The following DNAH9 variants were observed in gnomAD, a reference collection of about 807,000 sequenced individuals.
DNAH9 encodes dynein axonemal heavy chain 9.
A neutral mutation model predicts 471.6 loss-of-function variants in DNAH9; 345 were observed. The ratio of observed to expected loss-of-function variants is 0.73; its 90% confidence interval spans 0.67 to 0.80. The LOEUF (loss-of-function observed/expected upper bound fraction) is 0.80. DNAH9 is among the 30% of genes least tolerant of loss of function. DNAH9 has a pLI of 0.00. For synonymous variants in DNAH9, 2,093 were observed against 2,123.6 expected (o/e 0.99, Z 0.40); for missense variants, 5,407 against 5,609.2 (o/e 0.96, Z 1.15).
At chr17:11,862,472 C>A (rs1597750656) in intron 50 of DNAH9, among the ~76,000 whole-genome samples, 1 of 130,478 alleles carries the variant, frequency 7.7e-6, no homozygotes, top group South Asian at 2.6e-4. Context: ...CGGCTTTGTT[C>A]TTTTGGCTTA....
At chr17:11,716,314 C>T (rs2074961703) in intron 26 of DNAH9, among the ~76,000 whole-genome samples, 1 of 152,048 alleles carries the variant, frequency 6.6e-6, no homozygotes, top group African/African-American at 2.4e-5. Context: ...CTCCTGACCT[C>T]AGGTAATCTC....
At chr17:11,774,750 T>C (rs1480492730) in intron 38 of DNAH9, among the ~76,000 whole-genome samples, 1 of 152,178 alleles carries the variant, frequency 6.6e-6, no homozygotes, top group Admixed American at 6.5e-5. Context: ...CTATTTCATA[T>C]ATTTTCGCTG....
intron 49 of DNAH9, among the ~76,000 whole-genome samples, chr17:11,835,716 G>A (rs1450738097): frequency 4.6e-5 from 7 of 152,126 alleles, no homozygotes. Context: ...GCCAGTCACT[G>A]GGGACCTCAT....
In DNAH9 at chr17:11,892,059, A is replaced by G. The variant is rs1973070357; in HGVS notation, c.11283+112A>G. 6 of 1,297,312 alleles carry G rather than the reference A, an allele frequency of 4.6e-6. No individual in the cohort carries two copies. The South Asian group carries it at 6.8e-5, about 15-fold the overall frequency. 80.4% of individuals were successfully genotyped at this position (1,297,312 alleles called of 1,614,324 possible). On this transcript the variant is annotated intron_variant, in intron 58 of 68. Transcript: ENST00000262442. This position sits in a 1 kb window ranked among gnomAD's most constrained non-coding sequence, Gnocchi z 4.3. ...TCACTTTCCACAGCATGTCCAGACT[A>G]TCTGTCTTTGGATAGAGGCATCAGA...
intron 43 of DNAH9, among the ~76,000 whole-genome samples, chr17:11,805,728 G>GT (rs1345621265): frequency 2.6e-5 from 4 of 151,320 alleles, no homozygotes; most frequent in Non-Finnish European, 4.4e-5. Flanking sequence ...TAATTTTTGT[G>GT]TTTTTGTGGA....
intron 27 of DNAH9, among the ~76,000 whole-genome samples, chr17:11,722,485 A>C (rs2075077322): frequency 6.6e-6 from 1 of 152,212 alleles, no homozygotes; most frequent in Non-Finnish European, 1.5e-5. Flanking sequence ...TAGACATGGA[A>C]AAGCATAAGA....
intron 41 of DNAH9, among the ~76,000 whole-genome samples, chr17:11,785,626 C>G (rs1968840115): frequency 6.6e-6 from 1 of 152,174 alleles, no homozygotes; most frequent in Non-Finnish European, 1.5e-5. Flanking sequence ...AATGATAAGT[C>G]TCTGAGAACA....
chr17:11,940,682 T>G (rs1360589475), intron 66 of DNAH9, among the ~76,000 whole-genome samples: 1 of 152,228 alleles, frequency 6.6e-6, no homozygotes, highest in Non-Finnish European at 1.5e-5. Context: ...TATCATCCTT[T>G]ACACTTATAT....
chr17:11,851,250 G>A (rs960200667), intron 49 of DNAH9, among the ~76,000 whole-genome samples: 22 of 152,110 alleles, frequency 1.4e-4, no homozygotes, highest in African/African-American at 5.3e-4. Context: ...CAGAGTAGCT[G>A]GGGTTACAGG....
intron 36 of DNAH9, among the ~76,000 whole-genome samples, chr17:11,767,264 G>T (rs1412499354): frequency 6.6e-6 from 1 of 152,156 alleles, no homozygotes; most frequent in Non-Finnish European, 1.5e-5. Context: ...GTAGAAAGTT[G>T]AAGGTCTTGA....
rs369904187 is a variant in DNAH9, at chr17:11,892,801, G to T, written c.11283+854G>T. ...ACTCCTGACCTCAGGTGATCCACCC[G>T]CCTCGGCCTACCAAAGTGCTGGGAT... On this transcript the variant is annotated intron_variant, in intron 58 of 68. Transcript: ENST00000262442. The surrounding 1 kb of genome is among the most constrained non-coding windows in gnomAD (Gnocchi z 4.3). Among the ~76,000 whole-genome samples the T allele has an allele frequency of 6.6e-6, 1 of 152,022 alleles. No homozygotes were observed. The highest frequency in any genetic ancestry group is 1.5e-5 in the Non-Finnish European group (1 of 68,008).
At position 11,769,347 on chromosome 17, in the gene DNAH9, C is replaced by T. The variant is rs1414281251; in HGVS notation, c.7552+18C>T. ...GCTGCAGGGTAAGCAGCCCAGGGCA[C>T]CTGGGGTGGGGGGCATCTGGGTGGC... is the stretch of plus-strand genomic sequence containing the variant. On this transcript the variant is annotated intron_variant, in intron 38 of 68. Coordinates refer to ENST00000262442, the MANE Select transcript of DNAH9 (RefSeq NM_001372.4). 2 of 1,594,976 alleles carry T rather than the reference C, an allele frequency of 1.3e-6. No individual in the cohort carries two copies. Among genetic ancestry groups the T allele is most frequent in the Non-Finnish European group, 1.7e-6 (2 of 1,171,268 alleles).
At chr17:11,758,160 T>C (rs1443887152) in intron 35 of DNAH9, among the ~76,000 whole-genome samples, 1 of 152,160 alleles carries the variant, frequency 6.6e-6, no homozygotes, top group East Asian at 1.9e-4. Context: ...GTGGGTATAA[T>C]GTACCATCTG....
At chr17:11,894,015 T>C (rs761664544) in intron 58 of DNAH9, among the ~76,000 whole-genome samples, 2 of 152,252 alleles carry the variant, frequency 1.3e-5, no homozygotes, top group African/African-American at 2.4e-5. Context: ...CGTATATCCA[T>C]ACGTCATTTT....
rs1322418327 is a variant in DNAH9, at chr17:11,744,814, C to G, written c.6129C>G (p.Gly2043=). ...GCCCACAGGATCACTACGACTGGGG[C>G]CTACGGGCCATCAAGTCCGTGCTGG... ...LLSKQDHYDW[G]LRAIKSVLVV... The change falls in exon 31 of 69, where the codon GGC becomes GGG. Residue 2043 remains glycine, a synonymous_variant. Coordinates refer to ENST00000262442, the MANE Select transcript of DNAH9 (RefSeq NM_001372.4). 2.5e-6 allele frequency: 4 copies of G among 1,613,474 alleles called. No individual in the cohort carries two copies. In the South Asian group the frequency reaches 4.4e-5, roughly 18 times the overall value.
intron 32 of DNAH9, among the ~76,000 whole-genome samples, chr17:11,750,299 A>G (rs1473649177): frequency 2.6e-5 from 4 of 152,166 alleles, no homozygotes; most frequent in African/African-American, 4.8e-5. Context: ...GGATAACTTT[A>G]AAAGAATACA....
Position 11,619,799 on chromosome 17 carries a change from C to T in DNAH9, c.1350+18C>T, listed in dbSNP as rs536175238. On this transcript the variant is annotated intron_variant, in intron 6 of 68. Coordinates refer to ENST00000262442, the MANE Select transcript of DNAH9 (RefSeq NM_001372.4). ...TGGTGGAGGTGAGTGCGCACCTCAC[C>T]TCAGGCTGCCAGCCCCAGACAGAAA... The T allele has an allele frequency of 2.7e-6, 4 of 1,454,558 alleles. No individual in the cohort carries two copies. In the Admixed American group the frequency reaches 6.7e-5, roughly 24 times the overall value. 90.1% of individuals were successfully genotyped at this position (1,454,558 alleles called of 1,614,324 possible).
chr17:11,788,876 T>G (rs1287633379), intron 41 of DNAH9, among the ~76,000 whole-genome samples: 1 of 152,160 alleles, frequency 6.6e-6, no homozygotes, highest in Non-Finnish European at 1.5e-5. Context: ...TACTGGTTTT[T>G]CTGGGTACCT....
At chr17:11,695,874 C>T (rs965393801) in intron 22 of DNAH9, among the ~76,000 whole-genome samples, 7 of 152,180 alleles carry the variant, frequency 4.6e-5, no homozygotes, top group Non-Finnish European at 8.8e-5. Context: ...TCTTTTTCCT[C>T]ATGTGATTTT....
Sources: allele counts gnomAD v4.1 joint callset (sites outside exome capture counted in the v4.1 genomes callset), GRCh38; gene constraint gnomAD v4.1.1; non-coding constraint Gnocchi (gnomAD v3.1); transcripts MANE v1.5; gene names NCBI Gene and HGNC (gene_info 2026-07-23, HGNC 2026-07-21).